R3HDM2: variants seen among roughly 807,000 people sequenced by gnomAD.
The protein encoded by R3HDM2 is R3H domain containing 2.
In R3HDM2, 38 loss-of-function variants were observed where a neutral mutation model predicts 124.5. That is an observed-to-expected ratio of 0.31 (90% CI 0.24 to 0.40). The LOEUF (loss-of-function observed/expected upper bound fraction) is 0.40. R3HDM2 is among the 10% of genes least tolerant of loss of function. The pLI is 1.00. For synonymous variants in R3HDM2, 391 were observed against 448.0 expected, an observed-to-expected ratio of 0.87 and a Z score of 1.61; for missense variants, 869 against 1,236.9, an observed-to-expected ratio of 0.70 and a Z score of 4.46.
chr12:57,376,269 G>A (rs2064057577), intron 2 of R3HDM2, among the ~76,000 whole-genome samples: 1 of 152,220 alleles, frequency 6.6e-6, no homozygotes, highest in South Asian at 2.1e-4. Flanking sequence ...AGGTTTTCCT[G>A]CCTAAGCAGC....
At chr12:57,289,866 A>G (rs1450063047) in intron 11 of R3HDM2, among the ~76,000 whole-genome samples, 1 of 151,674 alleles carries the variant, frequency 6.6e-6, no homozygotes, top group African/African-American at 2.4e-5. Context: ...CCCACACCCA[A>G]CCCCACAACT....
At chr12:57,284,238 C>G (rs780554868) in intron 12 of R3HDM2, among the ~76,000 whole-genome samples, 182 bp from the exon 13 acceptor site, 2 of 152,152 alleles carry the variant, frequency 1.3e-5, no homozygotes, top group African/African-American at 2.4e-5. Context: ...AGAACAAGAT[C>G]CAGTACAGTA....
rs1460168077 is a variant in R3HDM2, at chr12:57,266,824, C to A, written c.2038G>T (p.Val680Leu). Reference protein sequence around the residue: ...PAQQNGTSPSVGFLQPPGSEQ... With the variant: ...PAQQNGTSPSLGFLQPPGSEQ... ...GAGCCAGGGGGTTGCAGAAACCCTA[C>A]AGAAGGGCTGGGAAGACAGAGAAGA... Residue 680 changes from valine to leucine, a missense_variant, in exon 19 of 24, where the codon GTA (valine) becomes TTA (leucine). Physicochemically the swap from Val to Leu is conservative, Grantham distance 32. This residue lies in a region of R3HDM2 where 602 missense variants were observed against 789.2 expected (regional missense o/e 0.76). Coordinates refer to ENST00000402412, the MANE Select transcript of R3HDM2 (RefSeq NM_001394031.1). 3 of 1,599,262 alleles carry A rather than the reference C, an allele frequency of 1.9e-6. No homozygotes were observed. Among genetic ancestry groups the A allele is most frequent in the Non-Finnish European group, 2.6e-6 (3 of 1,167,680 alleles).
chr12:57,422,165 C>T (rs1252693436), intron 1 of R3HDM2, among the ~76,000 whole-genome samples: 2 of 151,774 alleles, frequency 1.3e-5, no homozygotes, highest in Non-Finnish European at 2.9e-5. Context: ...ACTTTAGACC[C>T]TATTTCTTAT....
chr12:57,285,736 G>C (rs2090274453), intron 12 of R3HDM2, among the ~76,000 whole-genome samples: 1 of 152,150 alleles, frequency 6.6e-6, no homozygotes, highest in South Asian at 2.1e-4. Context: ...CAATAGATGA[G>C]GCTGCTCATT....
chr12:57,372,548 A>C (rs754177189), intron 2 of R3HDM2, among the ~76,000 whole-genome samples: 4 of 152,202 alleles, frequency 2.6e-5, no homozygotes, highest in Non-Finnish European at 5.9e-5. Context: ...CAAAAATCAA[A>C]TATTTTTCAG....
At chr12:57,392,978 G>C (rs2066940913) in intron 2 of R3HDM2, among the ~76,000 whole-genome samples, 1 of 151,566 alleles carries the variant, frequency 6.6e-6, no homozygotes, top group Non-Finnish European at 1.5e-5. Flanking sequence ...CTAATTTTTT[G>C]TATTTTTAGT....
At position 57,386,236 on chromosome 12, in the gene R3HDM2, C is replaced by A. The variant is rs536267223; in HGVS notation, c.-36+9513G>T. ...GCACTTGAGGAGCCCTTCAGCCCAC[C>A]GCTGCACTGTGGGAGCTCCTTCCTG... On this transcript the variant is annotated intron_variant, in intron 2 of 23. Coordinates refer to ENST00000402412, the MANE Select transcript of R3HDM2 (RefSeq NM_001394031.1). Among the ~76,000 whole-genome samples the A allele has an allele frequency of 3.9e-5, 6 of 152,330 alleles. No homozygotes were observed. In the East Asian group the frequency reaches 1.2e-3, roughly 29 times the overall value.
intron 18 of R3HDM2, 69 bp from the exon 19 acceptor site, chr12:57,266,900 G>A (rs1261974088): frequency 8.7e-7 from 1 of 1,146,724 alleles, no homozygotes; most frequent in Non-Finnish European, 1.2e-6. Context: ...GCAAACAGCT[G>A]CTGCTTCCTG....
At chr12:57,316,508 G>T (rs1309548651) in intron 2 of R3HDM2, among the ~76,000 whole-genome samples, 1 of 151,266 alleles carries the variant, frequency 6.6e-6, no homozygotes, top group African/African-American at 2.4e-5. Context: ...GGATGCAGAT[G>T]ATACCTAGAC....
intron 9 of R3HDM2, 191 bp from the exon 10 acceptor site, chr12:57,295,698 C>A (rs2049641360): frequency 1.8e-6 from 1 of 551,622 alleles, no homozygotes; most frequent in Middle Eastern, 4.1e-4. Flanking sequence ...TCTATAACTT[C>A]TCTTCCTCCA....
At chr12:57,372,262 C>G (rs975451154) in intron 2 of R3HDM2, among the ~76,000 whole-genome samples, 3 of 152,180 alleles carry the variant, frequency 2.0e-5, no homozygotes, top group Non-Finnish European at 4.4e-5. Flanking sequence ...TGAAGACAGA[C>G]ACGTGGGTCC....
chr12:57,265,021 T>C (rs1262361993), intron 19 of R3HDM2, among the ~76,000 whole-genome samples: 1 of 152,118 alleles, frequency 6.6e-6, no homozygotes, highest in East Asian at 1.9e-4. Context: ...ACTTGCGTGT[T>C]AGGGGAATTC....
chr12:57,300,694 T>C (rs952688529), intron 4 of R3HDM2, among the ~76,000 whole-genome samples: 1 of 152,212 alleles, frequency 6.6e-6, no homozygotes, highest in East Asian at 1.9e-4. Flanking sequence ...AATTAGATAA[T>C]ATACAGTATG....
chr12:57,293,288 G>GAA (rs770240518), intron 10 of R3HDM2, among the ~76,000 whole-genome samples: 34 of 152,074 alleles, frequency 2.2e-4, no homozygotes, highest in Non-Finnish European at 4.3e-4. Flanking sequence ...GGGAAGGGGA[G>GAA]AGACAAATTA....
rs925351592 is a variant in R3HDM2 at position 57,299,437 on chromosome 12, C to T, written c.336G>A (p.Glu112=). 5.2e-6 allele frequency: 8 copies of T among 1,545,076 alleles called. No homozygotes were observed. Among genetic ancestry groups the T allele is most frequent in the Admixed American group, 3.9e-5 (2 of 50,996 alleles). Residue 112 remains glutamate (E), a synonymous_variant, in exon 6 of 24, where the codon GAG becomes GAA. Transcript: ENST00000402412. Reference sequence around the variant, plus strand: ...AGACATCTTTTGTGGACTTTTCTTCCTCCTTGTCAGAAGGGCAACTGATGT... The same window carrying T: ...AGACATCTTTTGTGGACTTTTCTTCTTCCTTGTCAGAAGGGCAACTGATGT... ...QLHISCPSDK[E]EEKSTKDVSE...
chr12:57,331,464 ATC>A (rs2058183051), intron 2 of R3HDM2, among the ~76,000 whole-genome samples: 1 of 152,114 alleles, frequency 6.6e-6, no homozygotes, highest in African/African-American at 2.4e-5. Context: ...CTTGTTTATT[ATC>A]TCTCTGTCCC....
chr12:57,371,155 C>A (rs963825636), intron 2 of R3HDM2, among the ~76,000 whole-genome samples: 3 of 120,498 alleles, frequency 2.5e-5, no homozygotes, highest in Non-Finnish European at 1.6e-5. Context: ...CAAACTAGGG[C>A]AGGCAAACAA....
At chr12:57,404,096 C>CTTTTTT (rs1555314454) in intron 1 of R3HDM2, among the ~76,000 whole-genome samples, 1 of 33,586 alleles carries the variant, frequency 3.0e-5, no homozygotes, top group Non-Finnish European at 5.7e-5. Flanking sequence ...TGGAGTTTTG[C>CTTTTTT]TCTTGTTGCC....
Sources: gnomAD v4.1 joint callset for allele counts (sites outside exome capture counted in the v4.1 genomes callset) on GRCh38, gnomAD v4.1.1 for gene constraint, gnomAD v4.1.1 regional missense constraint, MANE v1.5 for transcripts, NCBI Gene and HGNC (gene_info 2026-07-23, HGNC 2026-07-21) for gene names.